HTR3C: variants seen among roughly 807,000 people sequenced by gnomAD.
The protein encoded by HTR3C is 5-HT3-C.
In HTR3C, 32 loss-of-function variants were observed where a neutral mutation model predicts 40.5. The observed-to-expected ratio is 0.79, with a 90% CI of 0.60 to 1.06. The LOEUF is 1.06. Among genes scored for constraint, HTR3C ranks in the 50% least tolerant of loss-of-function variants. The pLI is 0.00. For synonymous variants in HTR3C, 209 were observed against 217.1 expected (o/e 0.96, Z 0.33); for missense variants, 523 against 556.8 (o/e 0.94, Z 0.61).
intron 5 of HTR3C, 112 bp from the exon 6 acceptor site, chr3:184,058,315 T>TC: frequency 1.2e-5 from 13 of 1,125,518 alleles, no homozygotes; most frequent in Non-Finnish European, 1.6e-5. Flanking sequence ...ATACCTTGCT[T>TC]TAAAAGGATA....
At position 184,059,612 on chromosome 3, in the gene HTR3C, G is replaced by T. The variant is rs1212843745; in HGVS notation, c.897G>T (p.Leu299Phe). Residue 299 changes from leucine to phenylalanine, a missense_variant, in exon 7 of 9, where the codon TTG becomes TTT. Leu to Phe is a conservative substitution (Grantham distance 22). Coordinates refer to ENST00000318351, the MANE Select transcript of HTR3C (RefSeq NM_130770.3). ...TCTTCCTGCTCATGATGAATGACTT[G>T]CTCCCTGCCAGTGGCACCCCCCTCA... Reference protein sequence around the residue: ...YNVFLLMMNDLLPASGTPLIS... With the variant: ...YNVFLLMMNDFLPASGTPLIS... The T allele has an allele frequency of 3.7e-6, 6 of 1,613,940 alleles. No individual in the cohort carries two copies. In the Admixed American group the frequency reaches 8.3e-5, roughly 22 times the overall value.
intron 5 of HTR3C, among the ~76,000 whole-genome samples, chr3:184,057,927 C>T (rs149192066): frequency 1.1e-3 from 171 of 152,246 alleles, no homozygotes; most frequent in African/African-American, 3.8e-3. Context: ...TGAGCTGCTG[C>T]ACACCTATAA....
Position 184,060,660 on chromosome 3 carries a change from C to G in HTR3C, c.*308C>G, listed in dbSNP as rs527378562. On this transcript the variant is annotated 3_prime_UTR_variant, in exon 9 of 9. Transcript: ENST00000318351. The stretch of plus-strand genomic sequence containing the variant: ...CTCCTTGATTGATCACCCCAATAAA[C>G]AACTTTCCAGGAAGCACTGGCTCTT... 164 of 399,012 alleles carry G rather than the reference C, an allele frequency of 4.1e-4. No homozygotes were observed. The highest frequency in any genetic ancestry group is 3.0e-3 in the South Asian group (89 of 30,000). 24.7% of individuals were successfully genotyped at this position (399,012 alleles called of 1,614,324 possible). A position where few individuals can be genotyped will look rare whatever the true frequency, so the allele number is the denominator to read the frequency against.
intron 1 of HTR3C, among the ~76,000 whole-genome samples, chr3:184,054,048 C>G (rs747824077): frequency 6.6e-6 from 1 of 150,830 alleles, no homozygotes. Context: ...TCACCGCGCC[C>G]GGCACACCGG....
Position 184,060,629 on chromosome 3 carries a change from G to C in HTR3C, c.*277G>C. The C allele has an allele frequency of 1.9e-6, 1 of 515,888 alleles. No individual in the cohort carries two copies. Among genetic ancestry groups the C allele is most frequent in the Non-Finnish European group, 3.5e-6 (1 of 284,746 alleles). The allele number at this position is 515,888 out of a possible 1,614,324, so 32.0% of individuals were successfully genotyped here. On this transcript the variant is annotated 3_prime_UTR_variant, in exon 9 of 9. Transcript: ENST00000318351. The stretch of plus-strand genomic sequence containing the variant: ...TGATCAATGGAAGTCCAGGTCAGTG[G>C]AGTCTCTCCTTGATTGATCACCCCA...
intron 5 of HTR3C, among the ~76,000 whole-genome samples, chr3:184,058,128 G>A (rs1723366994): frequency 6.6e-6 from 1 of 152,138 alleles, no homozygotes; most frequent in Non-Finnish European, 1.5e-5. Context: ...ATACGACTGG[G>A]GGACTGAGAA....
In HTR3C at chr3:184,054,761, C is replaced by T; in HGVS notation, c.108C>T (p.Asp36=). The change falls in exon 2 of 9, where the codon GAC becomes GAT. Residue 36 remains aspartate, a synonymous_variant. Coordinates refer to ENST00000318351, the MANE Select transcript of HTR3C (RefSeq NM_130770.3). The stretch of plus-strand genomic sequence containing the variant: ...TTACCATCAATTGCTCAGGCTTTGA[C>T]CAGCATGGGGTTGACCCTGCTGTCT... ...DAFTINCSGF[D]QHGVDPAVFQ... The T allele has an allele frequency of 6.2e-7, 1 of 1,610,674 alleles. No individual in the cohort carries two copies. Among genetic ancestry groups the T allele is most frequent in the Non-Finnish European group, 8.5e-7 (1 of 1,178,722 alleles).
At chr3:184,056,137 T>C in intron 3 of HTR3C, 40 bp from the exon 4 acceptor site, 2 of 1,318,480 alleles carry the variant, frequency 1.5e-6, no homozygotes, top group Non-Finnish European at 2.2e-6. Context: ...CAGGACAAGC[T>C]CACCGTCACT....
In HTR3C at chr3:184,060,597, C is replaced by T; in HGVS notation, c.*245C>T. ...CTCCCTGAGCTACCACCTAACTCCT[C>T]ACTCCCTGATCAATGGAAGTCCAGG... On this transcript the variant is annotated 3_prime_UTR_variant, in exon 9 of 9. Transcript: ENST00000318351. 3.5e-6 allele frequency: 2 copies of T among 567,056 alleles called. No individual in the cohort carries two copies. Among genetic ancestry groups the T allele is most frequent in the Non-Finnish European group, 6.3e-6 (2 of 316,934 alleles). The allele number at this position is 567,056 out of a possible 1,614,324, so 35.1% of individuals were successfully genotyped here. A position where few individuals can be genotyped will look rare whatever the true frequency, so the allele number is the denominator to read the frequency against.
intron 7 of HTR3C, 23 bp from the exon 8 acceptor site, chr3:184,059,805 T>C: frequency 6.2e-7 from 1 of 1,613,420 alleles, no homozygotes; most frequent in Non-Finnish European, 8.5e-7. Context: ...GCCTGGTTTA[T>C]TTATAATTTG....
At chr3:184,059,296 G>A (rs1723392863) in intron 6 of HTR3C, 140 bp from the exon 7 acceptor site, 1 of 701,866 alleles carries the variant, frequency 1.4e-6, no homozygotes, top group African/African-American at 1.8e-5. Flanking sequence ...ATGTAGGCGA[G>A]CACAATTATA....
At chr3:184,057,910 C>T (rs1274819574) in intron 5 of HTR3C, among the ~76,000 whole-genome samples, 2 of 152,180 alleles carry the variant, frequency 1.3e-5, no homozygotes, top group African/African-American at 4.8e-5. Flanking sequence ...TGAGGCCCAG[C>T]TGACTCTGAG....
Position 184,060,525 on chromosome 3 carries a change from G to C in HTR3C, c.*173G>C. On this transcript the variant is annotated 3_prime_UTR_variant, in exon 9 of 9. Transcript: ENST00000318351. ...AAGCAGGTTCGGGACAGCCCTGGAC[G>C]ATTTCCCGACCGCTGCTCAGGCTGC... 2.6e-6 allele frequency: 2 copies of C among 777,566 alleles called. No individual in the cohort carries two copies. The highest frequency in any genetic ancestry group is 4.1e-6 in the Non-Finnish European group (2 of 483,486). The allele number at this position is 777,566 out of a possible 1,614,324, so 48.2% of individuals were successfully genotyped here.
chr3:184,060,233 A>C lies in HTR3C; in HGVS notation c.1225A>C (p.Thr409Pro), dbSNP rs761864605. Residue 409 changes from threonine to proline, a missense_variant, in exon 9 of 9, where the codon ACC becomes CCC. Transcript: ENST00000318351. Reference protein sequence around the residue: ...EPDGGSGWTKTQLMELWVQFS... With the variant: ...EPDGGSGWTKPQLMELWVQFS... ...AGATGGGGGCTCAGGATGGACAAAG[A>C]CCCAGCTAATGGAGCTGTGGGTGCA... 19 of 1,613,922 alleles carry C rather than the reference A, an allele frequency of 1.2e-5. No individual in the cohort carries two copies. The highest frequency in any genetic ancestry group is 4.4e-5 in the South Asian group (4 of 91,072).
At chr3:184,058,203 C>T (rs183774891) in intron 5 of HTR3C, among the ~76,000 whole-genome samples, 3 of 152,290 alleles carry the variant, frequency 2.0e-5, no homozygotes, top group Admixed American at 6.5e-5. Flanking sequence ...ATTCCCATAA[C>T]GAACTTGACT....
rs1576987891 is a variant in HTR3C, at chr3:184,056,472, C to T, written c.389+186C>T. Among the ~76,000 whole-genome samples the T allele has an allele frequency of 1.3e-5, 2 of 152,064 alleles. 1 individual carries two copies. Among genetic ancestry groups the T allele is most frequent in the South Asian group, 4.1e-4 (2 of 4,826 alleles). On this transcript the variant is annotated intron_variant, in intron 4 of 8. Coordinates refer to ENST00000318351, the MANE Select transcript of HTR3C (RefSeq NM_130770.3). ...ATTAAAGAAAGAGCCCAGGGCCAGGCGCGGTGGCTCACGCCTGTAATCCCA... is the reference window on the plus strand; with the variant it reads ...ATTAAAGAAAGAGCCCAGGGCCAGGTGCGGTGGCTCACGCCTGTAATCCCA...
chr3:184,058,487 A>G lies in HTR3C; in HGVS notation c.620A>G (p.Lys207Arg), dbSNP rs1723376462. The G allele has an allele frequency of 1.2e-6, 2 of 1,613,474 alleles. No homozygotes were observed. Among genetic ancestry groups the G allele is most frequent in the Non-Finnish European group, 1.7e-6 (2 of 1,179,790 alleles). The change falls in exon 6 of 9, where the codon AAA becomes AGA. Residue 207 changes from lysine (K) to arginine (R), a missense_variant. Physicochemically the swap from Lys to Arg is conservative, Grantham distance 26 (BLOSUM62 2). Coordinates refer to ENST00000318351, the MANE Select transcript of HTR3C (RefSeq NM_130770.3). ...EVWEITDTSR[K>R]VIQTQGEWEL... ...TGGGAGATCACAGACACGTCTCGCA[A>G]AGTCATCCAAACCCAGGGGGAGTGG...
chr3:184,056,189 C>G lies in HTR3C; in HGVS notation c.292C>G (p.Pro98Ala), dbSNP rs149370364. 18 of 1,611,886 alleles carry G rather than the reference C, an allele frequency of 1.1e-5. No homozygotes were observed. Among genetic ancestry groups the G allele is most frequent in the South Asian group, 3.3e-5 (3 of 91,032 alleles). ...FLWMDLVWDN[P>A]FINWNPKECV... is the part of the protein sequence containing the mutation. Reference sequence around the variant, plus strand: ...TGCCCTGATGCAGGTATGGGACAATCCTTTCATTAATTGGAACCCAAAAGA... The same window carrying G: ...TGCCCTGATGCAGGTATGGGACAATGCTTTCATTAATTGGAACCCAAAAGA... Residue 98 changes from proline (P) to alanine (A), a missense_variant, in exon 4 of 9, where the codon CCT (proline) becomes GCT (alanine). By Grantham distance (27) the Pro-to-Ala change is conservative. Coordinates refer to ENST00000318351, the MANE Select transcript of HTR3C (RefSeq NM_130770.3).
chr3:184,056,751 A>T, intron 4 of HTR3C, 124 bp from the exon 5 acceptor site: 2 of 904,116 alleles, frequency 2.2e-6, no homozygotes, highest in Non-Finnish European at 3.2e-6. Context: ...TGTCTCAAAA[A>T]CAACAAAAAA....
Sources: gnomAD v4.1 joint callset for allele counts (sites outside exome capture counted in the v4.1 genomes callset) on GRCh38, gnomAD v4.1.1 for gene constraint, MANE v1.5 for transcripts, NCBI Gene and HGNC (gene_info 2026-07-23, HGNC 2026-07-21) for gene names.